ADCY9: variants seen among roughly 807,000 people sequenced by gnomAD.
ADCY9 encodes adenylate cyclase type 9.
A neutral mutation model predicts 101.5 loss-of-function variants in ADCY9; 50 were observed. The observed-to-expected ratio is 0.49, with a 90% CI of 0.39 to 0.62. The LOEUF is 0.62. Among genes scored for constraint, ADCY9 ranks in the 20% least tolerant of loss-of-function variants. The pLI, the probability that ADCY9 is intolerant of heterozygous loss-of-function variation, is 0.00. For synonymous variants in ADCY9, 905 were observed against 769.3 expected (o/e 1.18, Z -2.92); for missense variants, 1,662 against 1,800.4 (o/e 0.92, Z 1.39).
At chr16:4,036,520 T>C (rs1259497599) in intron 2 of ADCY9, among the ~76,000 whole-genome samples, 2 of 139,652 alleles carry the variant, frequency 1.4e-5, no homozygotes, top group Non-Finnish European at 3.0e-5. Flanking sequence ...TGGAGTGCAG[T>C]GGTGCAATCT....
In ADCY9 at chr16:4,043,209, C is replaced by T. The variant is rs775801409; in HGVS notation, c.1694-35651G>A. On this transcript the variant is annotated intron_variant, in intron 2 of 10. Coordinates refer to ENST00000294016, the MANE Select transcript of ADCY9 (RefSeq NM_001116.4). ...TGGCGCCACTGCACTCCAGCCTGGG[C>T]GACAGAGCAAGACTCTGTCTCAAAA... Among the ~76,000 whole-genome samples the T allele has an allele frequency of 2.0e-5, 3 of 152,096 alleles. No homozygotes were observed. The East Asian group carries it at 5.8e-4, about 29-fold the overall frequency.
At chr16:4,113,007 G>T (rs1452270952) in intron 2 of ADCY9, among the ~76,000 whole-genome samples, 2 of 152,086 alleles carry the variant, frequency 1.3e-5, no homozygotes, top group Non-Finnish European at 2.9e-5. Flanking sequence ...AACCTGAGAG[G>T]ATGAGGGAGG....
At chr16:3,999,107 C>A (rs1481991158) in intron 3 of ADCY9, among the ~76,000 whole-genome samples, 1 of 152,230 alleles carries the variant, frequency 6.6e-6, no homozygotes. Flanking sequence ...GGCATCTCCA[C>A]CCCTGCTGAG....
chr16:4,113,842 G>T lies in ADCY9; in HGVS notation c.1601C>A (p.Ala534Asp), dbSNP rs1451023510. 6.2e-7 allele frequency: 1 copy of T among 1,614,040 alleles called. No individual in the cohort carries two copies. Among genetic ancestry groups the T allele is most frequent in the Non-Finnish European group, 8.5e-7 (1 of 1,180,034 alleles). ...CCGGTCATCTAAGTATTTTGCGGTG[G>T]CCTCAGAAATGTGAACTTTGCCGGC... ...GVAGKVHISEATAKYLDDRYE... is the reference protein window; with the variant it reads ...GVAGKVHISEDTAKYLDDRYE... The change falls in exon 2 of 11, where the codon GCC becomes GAC. Residue 534 changes from alanine to aspartate, a missense_variant. This residue lies in a region of ADCY9 where 624 missense variants were observed against 639.1 expected (regional missense o/e 0.98). Coordinates refer to ENST00000294016, the MANE Select transcript of ADCY9 (RefSeq NM_001116.4).
chr16:4,102,889 T>C (rs923979030), intron 2 of ADCY9, among the ~76,000 whole-genome samples: 5 of 151,546 alleles, frequency 3.3e-5, no homozygotes, highest in Non-Finnish European at 5.9e-5. Flanking sequence ...GCCTGGCTAA[T>C]TATAGTATTT....
At chr16:4,056,696 C>T (rs553376086) in intron 2 of ADCY9, among the ~76,000 whole-genome samples, 1 of 152,356 alleles carries the variant, frequency 6.6e-6, no homozygotes, top group East Asian at 1.9e-4. Context: ...ATGACTGACA[C>T]TCTCAAATTC....
chr16:4,047,743 T>A (rs2056675116), intron 2 of ADCY9, among the ~76,000 whole-genome samples: 1 of 152,168 alleles, frequency 6.6e-6, no homozygotes, highest in African/African-American at 2.4e-5. Flanking sequence ...ACCAAGCAGG[T>A]CCTTGGTTGA....
intron 2 of ADCY9, among the ~76,000 whole-genome samples, chr16:4,031,301 T>G (rs186253705): frequency 6.6e-6 from 1 of 151,730 alleles, no homozygotes; most frequent in African/African-American, 2.4e-5. Context: ...GTCTGCAATT[T>G]AGTCAGTTAA....
chr16:3,961,392 G>A (rs116550535), downstream of ADCY9, among the ~76,000 whole-genome samples: 2,341 of 151,932 alleles, frequency 0.015, 51 homozygotes, highest in African/African-American at 0.052. Context: ...CAAGGCTGCA[G>A]TGAGCCCTGA....
chr16:4,089,453 C>T (rs2056960041), intron 2 of ADCY9, among the ~76,000 whole-genome samples: 1 of 151,928 alleles, frequency 6.6e-6, no homozygotes. Context: ...TGATGTGTTA[C>T]TTGTTTTGTT....
rs1021260991 is a variant in ADCY9 at position 4,090,122 on chromosome 16, T to G, written c.1693+23628A>C. 2.0e-5 allele frequency among the ~76,000 whole-genome samples: 3 copies of G among 152,016 alleles called. 1 individual carries two copies. The highest frequency in any genetic ancestry group is 7.2e-5 in the African/African-American group (3 of 41,440). On this transcript the variant is annotated intron_variant, in intron 2 of 10. Transcript: ENST00000294016. The stretch of plus-strand genomic sequence containing the variant: ...TTTCAGGTGAACTCATACAAATGTG[T>G]GCCGAGCGATACCCCTGACTTGGAG...
intron 10 of ADCY9, among the ~76,000 whole-genome samples, chr16:3,974,008 G>A (rs2056073356): frequency 6.6e-6 from 1 of 152,140 alleles, no homozygotes; most frequent in Non-Finnish European, 1.5e-5. Flanking sequence ...AGTAAAGCAA[G>A]GGTCAAACAT....
chr16:4,020,131 G>A (rs928615966), intron 2 of ADCY9, among the ~76,000 whole-genome samples: 19 of 152,132 alleles, frequency 1.2e-4, no homozygotes, highest in Non-Finnish European at 2.6e-4. Context: ...CGTGATGATG[G>A]GTACATCCTG....
chr16:4,040,449 ATCT>A (rs1377295457), intron 2 of ADCY9, among the ~76,000 whole-genome samples: 1 of 145,670 alleles, frequency 6.9e-6, no homozygotes, highest in African/African-American at 2.5e-5. Context: ...TTAAAATGAC[ATCT>A]TCTTAATTTT....
At chr16:4,080,130 C>T (rs760765435) in intron 2 of ADCY9, among the ~76,000 whole-genome samples, 9 of 151,970 alleles carry the variant, frequency 5.9e-5, no homozygotes, top group Non-Finnish European at 1.3e-4. Context: ...CAGGAAAATC[C>T]CCATGAAATA....
At chr16:4,000,129 C>A (rs983147980) in intron 3 of ADCY9, among the ~76,000 whole-genome samples, 4 of 152,202 alleles carry the variant, frequency 2.6e-5, no homozygotes, top group African/African-American at 9.6e-5. Context: ...ACATGGTGAG[C>A]AGGAATAGTC....
intron 2 of ADCY9, among the ~76,000 whole-genome samples, chr16:4,073,025 CA>C (rs370616248): frequency 7.0e-6 from 1 of 143,764 alleles, no homozygotes; most frequent in African/African-American, 2.5e-5. Context: ...CAAACAAAAC[CA>C]AAAAAAAGAA....
chr16:3,992,792 T>C lies in ADCY9; in HGVS notation c.1990-429A>G, dbSNP rs2056255899. The stretch of plus-strand genomic sequence containing the variant: ...GCTGTCAGGGCACAGGCAAGGTGGA[T>C]GGAAACGGGCTCGTGTCGTGGGTGT... On this transcript the variant is annotated intron_variant, in intron 4 of 10. Transcript: ENST00000294016. The surrounding 1 kb of genome is among the most constrained non-coding windows in gnomAD (Gnocchi z 4.2). Among the ~76,000 whole-genome samples, 1 of 151,968 alleles carries C rather than the reference T, an allele frequency of 6.6e-6. No homozygotes were observed. The highest frequency in any genetic ancestry group is 2.4e-5 in the African/African-American group (1 of 41,360).
rs2056473891 is a variant in ADCY9, at chr16:4,021,192, A to G, written c.1694-13634T>C. Among the ~76,000 whole-genome samples the G allele has an allele frequency of 2.0e-5, 3 of 152,366 alleles. No individual in the cohort carries two copies. In the South Asian group the frequency reaches 6.2e-4, roughly 32 times the overall value. On this transcript the variant is annotated intron_variant, in intron 2 of 10. Transcript: ENST00000294016. ...ATTAAAAGCAGCACATGTATTAAACACACTGCTGCACAATGGGCGTGCCAT... is the reference window on the plus strand; with the variant it reads ...ATTAAAAGCAGCACATGTATTAAACGCACTGCTGCACAATGGGCGTGCCAT...
Sources: gnomAD v4.1 joint callset for allele counts (sites outside exome capture counted in the v4.1 genomes callset) on GRCh38, gnomAD v4.1.1 for gene constraint, gnomAD v4.1.1 regional missense constraint, Gnocchi (gnomAD v3.1) non-coding constraint, MANE v1.5 for transcripts, NCBI Gene and HGNC (gene_info 2026-07-23, HGNC 2026-07-21) for gene names.